Variants in MAPK10 observed in about 807,000 individuals in gnomAD.
The protein encoded by MAPK10 is JNK3 alpha protein kinase.
A neutral mutation model predicts 59.3 loss-of-function variants in MAPK10; 25 were observed. The ratio of observed to expected loss-of-function variants is 0.42; its 90% CI spans 0.31 to 0.59. The LOEUF (loss-of-function observed/expected upper bound fraction) is 0.59, where lower values mean the gene tolerates loss of function less well. Among genes scored for constraint, MAPK10 ranks in the 20% least tolerant of loss-of-function variants. MAPK10 has a pLI of 0.15. For synonymous variants in MAPK10, 190 were observed against 200.5 expected, an observed-to-expected ratio of 0.95 and a Z score of 0.44; for missense variants, 351 against 568.9, an observed-to-expected ratio of 0.62 and a Z score of 3.90.
chr4:86,485,109 T>C (rs1753886194), intron 1 of MAPK10, among the ~76,000 whole-genome samples: 1 of 152,166 alleles, frequency 6.6e-6, no homozygotes, highest in Non-Finnish European at 1.5e-5. Context: ...TGGTTTTTGG[T>C]TTGGGTCACC....
At chr4:86,096,118 A>G (rs568833099) in intron 9 of MAPK10, among the ~76,000 whole-genome samples, 2 of 151,664 alleles carry the variant, frequency 1.3e-5, no homozygotes, top group Admixed American at 6.6e-5. Context: ...AGAAATATAT[A>G]TATTTATATA....
intron 2 of MAPK10, among the ~76,000 whole-genome samples, chr4:86,297,308 GTTTGTT>G (rs949019815): frequency 6.6e-5 from 10 of 151,992 alleles, no homozygotes; most frequent in Admixed American, 2.0e-4. Context: ...TTGTTTGTTT[GTTTGTT>G]TTTGTTTTTG....
At chr4:86,529,528 CAGG>C (rs1313704504) in intron 1 of MAPK10, among the ~76,000 whole-genome samples, 3 of 152,298 alleles carry the variant, frequency 2.0e-5, no homozygotes, top group East Asian at 1.9e-4. Context: ...GTCATACAGC[CAGG>C]AAACAAAATG....
At chr4:86,417,708 C>T (rs1474937209) in intron 1 of MAPK10, among the ~76,000 whole-genome samples, 2 of 152,172 alleles carry the variant, frequency 1.3e-5, no homozygotes, top group Non-Finnish European at 2.9e-5. Flanking sequence ...CCTCTGAGAA[C>T]CTACTCACAC....
intron 1 of MAPK10, among the ~76,000 whole-genome samples, chr4:86,414,260 T>A (rs35334656): frequency 0.18 from 26,747 of 151,978 alleles, 2,478 homozygotes; most frequent in South Asian, 0.28. Context: ...TGATATAACA[T>A]CCATGTGGTT....
chr4:86,468,071 C>T (rs115516941), intron 1 of MAPK10, among the ~76,000 whole-genome samples: 2 of 152,310 alleles, frequency 1.3e-5, no homozygotes, highest in African/African-American at 4.8e-5. Flanking sequence ...TAGCTTCTCT[C>T]CTTTTCCCAG....
At chr4:86,267,113 T>A (rs984062629) in intron 2 of MAPK10, among the ~76,000 whole-genome samples, 1 of 152,154 alleles carries the variant, frequency 6.6e-6, no homozygotes. Context: ...GTAAATGACA[T>A]GCAATCATTT....
At chr4:86,304,502 C>T (rs1048299131) in intron 2 of MAPK10, among the ~76,000 whole-genome samples, 9 of 150,386 alleles carry the variant, frequency 6.0e-5, no homozygotes, top group Non-Finnish European at 1.2e-4. Context: ...ACGCCATTCT[C>T]CTGCCTCAGC....
chr4:86,050,143 C>T (rs1387171225), intron 11 of MAPK10, among the ~76,000 whole-genome samples: 1 of 152,094 alleles, frequency 6.6e-6, no homozygotes, highest in African/African-American at 2.4e-5. Flanking sequence ...CTTGGTAACT[C>T]TTGCCCATCC....
chr4:86,296,004 T>C (rs1483371472), intron 2 of MAPK10, among the ~76,000 whole-genome samples: 1 of 151,060 alleles, frequency 6.6e-6, no homozygotes, highest in African/African-American at 2.4e-5. Flanking sequence ...GGTGAAACCC[T>C]GTCTTTACTG....
At chr4:86,500,982 T>G (rs1379769636) in intron 1 of MAPK10, among the ~76,000 whole-genome samples, 1 of 151,990 alleles carries the variant, frequency 6.6e-6, no homozygotes, top group Non-Finnish European at 1.5e-5. Context: ...TGTTAACATT[T>G]AAAAATATAA....
intron 11 of MAPK10, among the ~76,000 whole-genome samples, chr4:86,060,085 A>G (rs779149030): frequency 6.6e-6 from 1 of 152,162 alleles, no homozygotes; most frequent in Non-Finnish European, 1.5e-5. Context: ...CTGGTTGATC[A>G]CCACTGGCCA....
At chr4:86,146,077 T>C (rs1199336635) in intron 4 of MAPK10, among the ~76,000 whole-genome samples, 1 of 152,182 alleles carries the variant, frequency 6.6e-6, no homozygotes, top group African/African-American at 2.4e-5. Flanking sequence ...GCATTTAGCA[T>C]TTTGGTTGGT....
At chr4:86,243,978 G>C (rs2092919222) in intron 2 of MAPK10, among the ~76,000 whole-genome samples, 1 of 152,134 alleles carries the variant, frequency 6.6e-6, no homozygotes, top group South Asian at 2.1e-4. Context: ...AATGGCTCGA[G>C]TTTCATTTTG....
At chr4:86,120,317 C>T (rs1445967150) in intron 4 of MAPK10, 1 of 152,246 alleles carries the variant, frequency 6.6e-6, no homozygotes, top group Non-Finnish European at 1.5e-5. Flanking sequence ...GTCTCACAGC[C>T]AGTCCCTCAA....
intron 1 of MAPK10, among the ~76,000 whole-genome samples, chr4:86,419,655 A>C (rs2149032409): frequency 6.6e-6 from 1 of 152,310 alleles, no homozygotes; most frequent in Non-Finnish European, 1.5e-5. Flanking sequence ...TTTTTTAATG[A>C]AAATGAAATA....
chr4:86,033,522 A>C (rs943230449), intron 11 of MAPK10, among the ~76,000 whole-genome samples: 1 of 152,186 alleles, frequency 6.6e-6, no homozygotes, highest in African/African-American at 2.4e-5. Flanking sequence ...CATAAATGCC[A>C]TTTTCTTTTT....
intron 1 of MAPK10, among the ~76,000 whole-genome samples, chr4:86,431,981 A>G (rs752021142): frequency 6.6e-6 from 1 of 152,174 alleles, no homozygotes; most frequent in Non-Finnish European, 1.5e-5. Context: ...GTCTTTTATT[A>G]GGAAGGAATG....
At chr4:86,279,147 A>G (rs761506118) in intron 2 of MAPK10, among the ~76,000 whole-genome samples, 5 of 152,172 alleles carry the variant, frequency 3.3e-5, no homozygotes, top group Non-Finnish European at 5.9e-5. Flanking sequence ...TGTAAGTCTA[A>G]TATTATGACA....
Sources: allele counts gnomAD v4.1 joint callset (sites outside exome capture counted in the v4.1 genomes callset), GRCh38; gene constraint gnomAD v4.1.1; transcripts MANE v1.5; gene names NCBI Gene and HGNC (gene_info 2026-07-23, HGNC 2026-07-21).